SENP8: variants seen among roughly 807,000 people sequenced by gnomAD.
SENP8 encodes sentrin-specific protease 8.
A neutral mutation model predicts 14.4 loss-of-function variants in SENP8; 10 were observed. The observed-to-expected ratio is 0.69, with a 90% confidence interval of 0.43 to 1.18. SENP8 has a LOEUF of 1.18. SENP8 is among the 50% of genes most tolerant of loss of function. The pLI, the probability that SENP8 is intolerant of heterozygous loss-of-function variation, is 0.00. For missense variants in SENP8, 202 were observed against 249.4 expected (o/e 0.81, Z 1.28); for synonymous variants, 94 against 95.5 (o/e 0.98, Z 0.09).
rs757753266 is a variant in SENP8, at chr15:72,143,464, A to G, written c.*3202A>G. 1.3e-5 allele frequency: 2 copies of G among 152,356 alleles called. No homozygotes were observed. Among genetic ancestry groups the G allele is most frequent in the Admixed American group, 6.5e-5 (1 of 15,296 alleles). The allele number at this position is 152,356 out of a possible 1,614,324, so 9.4% of individuals were successfully genotyped here. ...ACTTATTCAAGGATGGTGAATAGCA[A>G]CAACTAACCTTTTTATCACTCTGTA... On this transcript the variant is annotated 3_prime_UTR_variant, in exon 2 of 2. Transcript: ENST00000340912.
chr15:72,118,053 G>GCCGCGT (rs1241093376), upstream of SENP8: 15 of 396,034 alleles, frequency 3.8e-5, no homozygotes, highest in Non-Finnish European at 6.7e-5. Context: ...GCCAACCGCC[G>GCCGCGT]CCGCGTCCCT....
Sources: gnomAD v4.1 joint callset for allele counts on GRCh38, gnomAD v4.1.1 for gene constraint, MANE v1.5 for transcripts, NCBI Gene and HGNC (gene_info 2026-07-23, HGNC 2026-07-21) for gene names.